The following ASPH variants were observed in gnomAD, a reference collection of about 807,000 sequenced individuals.
ASPH encodes the protein aspartyl/asparaginyl beta-hydroxylase.
A neutral mutation model predicts 118.4 loss-of-function variants in ASPH; 100 were observed. The observed-to-expected ratio is 0.84, with a 90% confidence interval of 0.72 to 1.00. The LOEUF (loss-of-function observed/expected upper bound fraction) is 1.00. Ranked by LOEUF, ASPH falls within the 50% of genes least tolerant of loss-of-function variation. The pLI is 0.00. For synonymous variants in ASPH, 315 were observed against 325.6 expected, an observed-to-expected ratio of 0.97 and a Z score of 0.35; for missense variants, 920 against 919.5, an observed-to-expected ratio of 1.00 and a Z score of -0.01.
intron 1 of ASPH, among the ~76,000 whole-genome samples, chr8:61,685,791 A>ATT (rs778617779): frequency 1.4e-5 from 2 of 144,370 alleles, no homozygotes. Flanking sequence ...ATGTAGATAA[A>ATT]TTTTTTTTTT....
intron 18 of ASPH, among the ~76,000 whole-genome samples, chr8:61,562,382 A>ATTGTGTCTCTGTGTGT (rs1830258163): frequency 3.2e-5 from 1 of 31,128 alleles, no homozygotes; most frequent in Non-Finnish European, 1.0e-4. Context: ...AAAAAAGGAA[A>ATTGTGTCTCTGTGTGT]GTGTGTCTGT....
At chr8:61,571,015 C>T (rs1392631628) in intron 16 of ASPH, among the ~76,000 whole-genome samples, 1 of 152,064 alleles carries the variant, frequency 6.6e-6, no homozygotes, top group Non-Finnish European at 1.5e-5. Context: ...CTTAATGTTG[C>T]AAAATTTTAA....
At chr8:61,674,377 A>G (rs1824179159) in intron 3 of ASPH, among the ~76,000 whole-genome samples, 1 of 152,262 alleles carries the variant, frequency 6.6e-6, no homozygotes, top group South Asian at 2.1e-4. Flanking sequence ...ACTAAGTGAC[A>G]GCTTAACTGA....
rs902297145 is a variant in ASPH at position 61,594,817 on chromosome 8, C to A, written c.977-10788G>T. 3.3e-5 allele frequency among the ~76,000 whole-genome samples: 5 copies of A among 152,132 alleles called. No homozygotes were observed. The East Asian group carries it at 9.7e-4, about 29-fold the overall frequency. On this transcript the variant is annotated intron_variant, in intron 14 of 24. Transcript: ENST00000379454. ...ACTATTCATAGTTTTAGGTATCCACCAAGGGTTCTTGGAAAGTATCCCATA... is the reference window on the plus strand; with the variant it reads ...ACTATTCATAGTTTTAGGTATCCACAAAGGGTTCTTGGAAAGTATCCCATA...
At chr8:61,614,634 C>T (rs765492384) in intron 14 of ASPH, among the ~76,000 whole-genome samples, 101 of 152,028 alleles carry the variant, frequency 6.6e-4, no homozygotes, top group Non-Finnish European at 2.6e-4. Flanking sequence ...TGCCTGGCTA[C>T]GTGTTGGGTT....
intron 3 of ASPH, chr8:61,668,154 T>C: frequency 2.9e-6 from 4 of 1,399,136 alleles, no homozygotes; most frequent in Non-Finnish European, 4.0e-6. Flanking sequence ...AGTAGCAATA[T>C]TAACATTCCC....
chr8:61,617,074 GTAGA>G, intron 14 of ASPH, among the ~76,000 whole-genome samples: 1 of 152,236 alleles, frequency 6.6e-6, no homozygotes, highest in Non-Finnish European at 1.5e-5. Flanking sequence ...CAGACAACAT[GTAGA>G]CAGCTGGACA....
rs1006756151 is a variant in ASPH at position 61,624,195 on chromosome 8, T to A, written c.935-5176A>T. 4.0e-5 allele frequency: 38 copies of A among 956,088 alleles called. No homozygotes were observed. In the African/African-American group the frequency reaches 6.5e-4, roughly 16 times the overall value. 59.2% of individuals were successfully genotyped at this position (956,088 alleles called of 1,614,324 possible). ...TCGAAATATCTCATATAGTCAAATTTATACATCTATTATATACTCACAAAA... is the reference window on the plus strand; with the variant it reads ...TCGAAATATCTCATATAGTCAAATTAATACATCTATTATATACTCACAAAA... On this transcript the variant is annotated intron_variant, in intron 13 of 24. Transcript: ENST00000379454.
chr8:61,513,062 A>G (rs987552022), intron 24 of ASPH, among the ~76,000 whole-genome samples: 1 of 152,204 alleles, frequency 6.6e-6, no homozygotes, highest in African/African-American at 2.4e-5. Context: ...GCAGGGATGG[A>G]ATATTTAAAC....
chr8:61,578,087 A>T lies in ASPH; in HGVS notation c.1063-1229T>A. The T allele has an allele frequency of 3.0e-6, 3 of 984,966 alleles. No homozygotes were observed. In the East Asian group the frequency reaches 7.9e-5, roughly 26 times the overall value. 61.0% of individuals were successfully genotyped at this position (984,966 alleles called of 1,614,324 possible). A position where few individuals can be genotyped will look rare whatever the true frequency, so the allele number is the denominator to read the frequency against. On this transcript the variant is annotated intron_variant, in intron 15 of 24. Coordinates refer to ENST00000379454, the MANE Select transcript of ASPH (RefSeq NM_004318.4). ...CAAAAGCAAATCAGTTACTTCTAAG[A>T]TACAATGGGGGTACAGGTATTGGAT... is the stretch of plus-strand genomic sequence containing the variant.
At chr8:61,703,838 G>C (rs1835841907) in intron 1 of ASPH, among the ~76,000 whole-genome samples, 1 of 152,132 alleles carries the variant, frequency 6.6e-6, no homozygotes, top group Non-Finnish European at 1.5e-5. Context: ...GAACAACAAA[G>C]TAGGAGGATT....
intron 20 of ASPH, among the ~76,000 whole-genome samples, chr8:61,549,823 C>G (rs1279484706): frequency 6.6e-6 from 1 of 152,046 alleles, no homozygotes; most frequent in Non-Finnish European, 1.5e-5. Context: ...AAGTGTATTG[C>G]TAGAATAGTG....
chr8:61,563,439 G>A (rs747739439), intron 17 of ASPH, among the ~76,000 whole-genome samples: 96 of 152,148 alleles, frequency 6.3e-4, no homozygotes, highest in Middle Eastern at 3.4e-3. Context: ...GGGCCCTCTC[G>A]TGGACAAAGG....
chr8:61,595,670 T>A (rs1004917598), intron 14 of ASPH, among the ~76,000 whole-genome samples: 5 of 152,016 alleles, frequency 3.3e-5, no homozygotes, highest in African/African-American at 1.2e-4. Context: ...AGTGATAAAA[T>A]AAGGATCATA....
intron 14 of ASPH, among the ~76,000 whole-genome samples, chr8:61,603,860 A>G (rs972945576): frequency 6.6e-6 from 1 of 152,252 alleles, no homozygotes; most frequent in Non-Finnish European, 1.5e-5. Context: ...AAAAACAAGG[A>G]AAGAATTAAG....
At chr8:61,504,511 A>G (rs961189167) in intron 24 of ASPH, among the ~76,000 whole-genome samples, 2 of 152,194 alleles carry the variant, frequency 1.3e-5, no homozygotes, top group African/African-American at 4.8e-5. Flanking sequence ...TTTATGTTCC[A>G]TATCAGGTGA....
intron 3 of ASPH, among the ~76,000 whole-genome samples, chr8:61,667,173 C>T (rs926661967): frequency 1.3e-5 from 2 of 151,972 alleles, no homozygotes; most frequent in Admixed American, 6.6e-5. Context: ...ATGCCAAGCC[C>T]GTGAAATGAC....
At chr8:61,514,004 T>G (rs937642718) in intron 24 of ASPH, among the ~76,000 whole-genome samples, 4 of 152,156 alleles carry the variant, frequency 2.6e-5, no homozygotes, top group African/African-American at 9.7e-5. Context: ...GTTTTTTTGT[T>G]TTTTTAAAGA....
chr8:61,690,738 T>G (rs189922221), intron 1 of ASPH, among the ~76,000 whole-genome samples: 203 of 152,290 alleles, frequency 1.3e-3, no homozygotes, highest in Non-Finnish European at 2.4e-3. Flanking sequence ...AATTAAAAAT[T>G]TAAAAGCTTT....
Sources: allele counts gnomAD v4.1 joint callset (sites outside exome capture counted in the v4.1 genomes callset), GRCh38; gene constraint gnomAD v4.1.1; transcripts MANE v1.5; gene names NCBI Gene and HGNC (gene_info 2026-07-23, HGNC 2026-07-21).